Variants in PTPRZ1 observed in about 807,000 individuals in gnomAD.
PTPRZ1 encodes protein tyrosine phosphatase receptor type Z1, also known as receptor-type tyrosine-protein phosphatase zeta.
A neutral mutation model predicts 214.1 loss-of-function variants in PTPRZ1; 82 were observed. The ratio of observed to expected loss-of-function variants is 0.38; its 90% CI spans 0.32 to 0.46. The LOEUF (loss-of-function observed/expected upper bound fraction) is 0.46. PTPRZ1 is among the 20% of genes least tolerant of loss of function. PTPRZ1 has a pLI of 1.00. For synonymous variants in PTPRZ1, 945 were observed against 987.9 expected, an observed-to-expected ratio of 0.96 and a Z score of 0.81; for missense variants, 2,603 against 2,748.7, an observed-to-expected ratio of 0.95 and a Z score of 1.19.
rs367742306 is a variant in PTPRZ1, at chr7:121,996,360, C to G, written c.929-22C>G. On this transcript the variant is annotated intron_variant, in intron 8 of 29. Transcript: ENST00000393386. ...CCTCAAGGCTAAGTTCTATCAACAA[C>G]TGTACTTTTTTCTCTCTGAAGTTTG... 5 of 1,557,036 alleles carry G rather than the reference C, an allele frequency of 3.2e-6. No homozygotes were observed. In the African/African-American group the frequency reaches 5.5e-5, roughly 17 times the overall value.
At chr7:121,922,208 G>A (rs1374237209) in intron 1 of PTPRZ1, among the ~76,000 whole-genome samples, 10 of 152,172 alleles carry the variant, frequency 6.6e-5, no homozygotes, top group Admixed American at 5.9e-4. Flanking sequence ...TAGAACATCT[G>A]AAGATACAAA....
At chr7:121,990,681 G>A (rs1257072829) in intron 8 of PTPRZ1, among the ~76,000 whole-genome samples, 3 of 151,706 alleles carry the variant, frequency 2.0e-5, no homozygotes, top group Admixed American at 6.6e-5. Flanking sequence ...TACCACGCCC[G>A]ACTAATTTTT....
Position 122,010,581 on chromosome 7 carries a change from C to T in PTPRZ1, c.1535C>T (p.Thr512Ile), listed in dbSNP as rs1462193812. Residue 512 changes from threonine (T) to isoleucine (I), a missense_variant, in exon 12 of 30, where the codon ACA (threonine) becomes ATA (isoleucine). Physicochemically the swap from Thr to Ile is moderately conservative, Grantham distance 89. Coordinates refer to ENST00000393386, the MANE Select transcript of PTPRZ1 (RefSeq NM_002851.3). Reference protein sequence around the residue: ...STSQPVTKLATEKDISLTSQT... With the variant: ...STSQPVTKLAIEKDISLTSQT... ...TCCCAACCAGTCACTAAATTAGCCA[C>T]AGAAAAAGATATTTCCTTGACTTCT... 1 of 1,613,396 alleles carries T rather than the reference C, an allele frequency of 6.2e-7. No homozygotes were observed. The highest frequency in any genetic ancestry group is 8.5e-7 in the Non-Finnish European group (1 of 1,179,466).
intron 20 of PTPRZ1, among the ~76,000 whole-genome samples, chr7:122,040,050 G>C (rs993892702): frequency 2.6e-5 from 4 of 152,048 alleles, no homozygotes; most frequent in Non-Finnish European, 4.4e-5. Context: ...GTTTCTTTCA[G>C]GTCTCTAGAT....
intron 28 of PTPRZ1, 92 bp from the exon 29 acceptor site, chr7:122,059,661 A>G (rs1409650780): frequency 3.6e-6 from 5 of 1,388,414 alleles, no homozygotes; most frequent in South Asian, 1.6e-5. Flanking sequence ...TTTTCACTGC[A>G]AAGTTGTCAA....
chr7:121,931,048 G>T (rs1307925872), intron 2 of PTPRZ1, among the ~76,000 whole-genome samples: 1 of 152,154 alleles, frequency 6.6e-6, no homozygotes, highest in Non-Finnish European at 1.5e-5. Context: ...ATTGCTAGTT[G>T]TGGTTTCGGA....
chr7:121,939,916 C>T (rs757485036), intron 2 of PTPRZ1, among the ~76,000 whole-genome samples: 2 of 151,984 alleles, frequency 1.3e-5, no homozygotes, highest in African/African-American at 2.4e-5. Context: ...CCAGAGAAAG[C>T]GACTTTAGAT....
intron 14 of PTPRZ1, among the ~76,000 whole-genome samples, chr7:122,030,832 AT>A (rs1311698103): frequency 2.6e-5 from 4 of 152,030 alleles, no homozygotes; most frequent in African/African-American, 9.7e-5. Flanking sequence ...CCCCTTCACA[AT>A]TAATTAACAG....
At chr7:121,888,937 T>C (rs1794491399) in intron 1 of PTPRZ1, among the ~76,000 whole-genome samples, 1 of 152,158 alleles carries the variant, frequency 6.6e-6, no homozygotes, top group South Asian at 2.1e-4. Context: ...CAAATAGCTA[T>C]AAGGAATGAT....
At position 122,012,363 on chromosome 7, in the gene PTPRZ1, C is replaced by G; in HGVS notation, c.3317C>G (p.Thr1106Ser). 1 of 1,613,844 alleles carries G rather than the reference C, an allele frequency of 6.2e-7. No homozygotes were observed. The highest frequency in any genetic ancestry group is 1.1e-5 in the South Asian group (1 of 91,074). The part of the protein sequence containing the change: ...KGMFPGSLAH[T>S]TTKVFDHEIS... The stretch of plus-strand genomic sequence containing the variant: ...ATGTTTCCAGGGTCCCTTGCTCATA[C>G]CACCACTAAGGTTTTTGATCATGAG... The change falls in exon 12 of 30, where the codon ACC becomes AGC. Residue 1106 changes from threonine (T) to serine (S), a missense_variant. Coordinates refer to ENST00000393386, the MANE Select transcript of PTPRZ1 (RefSeq NM_002851.3).
chr7:121,909,737 A>G (rs1795216462), intron 1 of PTPRZ1, among the ~76,000 whole-genome samples: 1 of 152,170 alleles, frequency 6.6e-6, no homozygotes, highest in South Asian at 2.1e-4. Flanking sequence ...CATGAAAGTA[A>G]AAAGGTAATA....
chr7:121,908,821 A>C (rs898947650), intron 1 of PTPRZ1: 3 of 488,126 alleles, frequency 6.1e-6, no homozygotes, highest in African/African-American at 6.0e-5. Flanking sequence ...CTCTTGGATA[A>C]GGAATGGGAA....
chr7:122,010,651 A>G lies in PTPRZ1; in HGVS notation c.1605A>G (p.Ser535=). The G allele has an allele frequency of 6.2e-7, 1 of 1,613,676 alleles. No individual in the cohort carries two copies. Among genetic ancestry groups the G allele is most frequent in the Non-Finnish European group, 8.5e-7 (1 of 1,179,572 alleles). The change falls in exon 12 of 30, where the codon TCA becomes TCG. Residue 535 remains serine (S), a synonymous_variant. Coordinates refer to ENST00000393386, the MANE Select transcript of PTPRZ1 (RefSeq NM_002851.3). ...ELPPHTVEGT[S]ASLNDGSKTV... ...CACCTCACACTGTGGAAGGTACTTC[A>G]GCCTCTTTAAATGATGGCTCTAAAA... is the stretch of plus-strand genomic sequence containing the variant.
At position 122,010,530 on chromosome 7, in the gene PTPRZ1, T is replaced by G; in HGVS notation, c.1484T>G (p.Val495Gly). The G allele has an allele frequency of 6.2e-7, 1 of 1,613,718 alleles. No homozygotes were observed. The highest frequency in any genetic ancestry group is 8.5e-7 in the Non-Finnish European group (1 of 1,179,696). Residue 495 changes from valine (V) to glycine (G), a missense_variant, in exon 12 of 30, where the codon GTT becomes GGT. Transcript: ENST00000393386. ...RGSEFSGKGDVPNTSLNSTSQ... is the reference protein window; with the variant it reads ...RGSEFSGKGDGPNTSLNSTSQ... ...AGTGAATTCTCTGGAAAGGGTGATG[T>G]TCCCAATACATCTTTAAATTCCACT...
At chr7:121,969,429 G>T (rs529150926) in intron 3 of PTPRZ1, among the ~76,000 whole-genome samples, 1 of 152,020 alleles carries the variant, frequency 6.6e-6, no homozygotes, top group South Asian at 2.1e-4. Context: ...AGGCATGGTG[G>T]TGCATGCCTG....
chr7:121,879,060 C>T (rs1490305976), intron 1 of PTPRZ1, among the ~76,000 whole-genome samples: 3 of 152,128 alleles, frequency 2.0e-5, no homozygotes, highest in Admixed American at 6.5e-5. Flanking sequence ...CAGAAATACA[C>T]GTAAGCATAT....
intron 1 of PTPRZ1, among the ~76,000 whole-genome samples, chr7:121,913,271 G>T (rs533620252): frequency 2.6e-5 from 4 of 152,312 alleles, no homozygotes; most frequent in Admixed American, 1.3e-4. Flanking sequence ...CTGAGACCAG[G>T]TGCTTGAGGG....
At chr7:121,932,336 C>T (rs1795949609) in intron 2 of PTPRZ1, among the ~76,000 whole-genome samples, 1 of 151,856 alleles carries the variant, frequency 6.6e-6, no homozygotes, top group Admixed American at 6.6e-5. Context: ...TTTTTAATTT[C>T]TATGCTATTT....
At chr7:121,893,530 T>C (rs1794700565) in intron 1 of PTPRZ1, among the ~76,000 whole-genome samples, 2 of 152,224 alleles carry the variant, frequency 1.3e-5, no homozygotes, top group Non-Finnish European at 2.9e-5. Context: ...ACAGATACAA[T>C]GCAGAAATTG....
Sources: allele counts gnomAD v4.1 joint callset (sites outside exome capture counted in the v4.1 genomes callset), GRCh38; gene constraint gnomAD v4.1.1; transcripts MANE v1.5; gene names NCBI Gene and HGNC (gene_info 2026-07-23, HGNC 2026-07-21).